Variants in PRKD3 observed in about 807,000 individuals in gnomAD.
PRKD3 encodes the protein serine/threonine-protein kinase D3.
Under a neutral mutation model 99.2 loss-of-function variants are expected in PRKD3, and 47 were observed. That is an observed-to-expected ratio of 0.47 (90% CI 0.38 to 0.60). PRKD3 has a LOEUF of 0.60. Ranked by LOEUF, PRKD3 falls within the 20% of genes least tolerant of loss-of-function variation. The pLI is 0.00. For missense variants in PRKD3, 1,019 were observed against 1,088.4 expected, an observed-to-expected ratio of 0.94 and a Z score of 0.90; for synonymous variants, 392 against 355.4, an observed-to-expected ratio of 1.10 and a Z score of -1.16.
intron 1 of PRKD3, among the ~76,000 whole-genome samples, chr2:37,320,753 G>C (rs780107437): frequency 1.3e-5 from 2 of 152,064 alleles, no homozygotes; most frequent in Admixed American, 1.3e-4. Context: ...CTTCTACTTT[G>C]ATGAATGTCT....
At chr2:37,319,294 A>T (rs917698133) in intron 1 of PRKD3, among the ~76,000 whole-genome samples, 1 of 152,192 alleles carries the variant, frequency 6.6e-6, no homozygotes, top group Non-Finnish European at 1.5e-5. Context: ...ATGTTAGTGT[A>T]GTTAAGTTTG....
intron 14 of PRKD3, among the ~76,000 whole-genome samples, 187 bp downstream of exon 14, chr2:37,267,243 A>G (rs1468228588): frequency 6.6e-6 from 1 of 152,086 alleles, no homozygotes; most frequent in East Asian, 1.9e-4. Context: ...ACTTTTTTAA[A>G]AAAGATTTTA....
intron 2 of PRKD3, among the ~76,000 whole-genome samples, chr2:37,311,215 A>C (rs926697679): frequency 6.6e-6 from 1 of 152,216 alleles, no homozygotes; most frequent in African/African-American, 2.4e-5. Context: ...GAAGTACTAC[A>C]GTTGGTGATG....
chr2:37,320,623 G>A (rs1671844557), intron 1 of PRKD3, among the ~76,000 whole-genome samples: 1 of 151,524 alleles, frequency 6.6e-6, no homozygotes, highest in Non-Finnish European at 1.5e-5. Context: ...GTAGAGACGG[G>A]GTTTCATCAT....
At chr2:37,283,206 G>A (rs1169488318) in intron 6 of PRKD3, among the ~76,000 whole-genome samples, 2 of 152,176 alleles carry the variant, frequency 1.3e-5, no homozygotes, top group African/African-American at 4.8e-5. Flanking sequence ...CTCTCAAACT[G>A]TGGTCCCAGA....
chr2:37,306,069 T>TC (rs1671153361), intron 2 of PRKD3, among the ~76,000 whole-genome samples: 2 of 119,024 alleles, frequency 1.7e-5, no homozygotes, highest in East Asian at 3.9e-4. Flanking sequence ...CTTGGATTCT[T>TC]TTTTTTTTTT....
intron 2 of PRKD3, among the ~76,000 whole-genome samples, chr2:37,310,587 T>C (rs560469302): frequency 5.9e-5 from 9 of 152,338 alleles, no homozygotes; most frequent in African/African-American, 1.9e-4. Flanking sequence ...GGCCATGATA[T>C]CTGGCATCAT....
chr2:37,296,623 C>T (rs988481375), intron 2 of PRKD3, among the ~76,000 whole-genome samples: 1 of 151,980 alleles, frequency 6.6e-6, no homozygotes, highest in Non-Finnish European at 1.5e-5. Context: ...TCAGGCCGGG[C>T]GCAGTGGCTC....
rs1168097455 is a variant in PRKD3, at chr2:37,251,533, T to C, written c.*1644A>G. 6.6e-6 allele frequency: 1 copy of C among 152,392 alleles called. No individual in the cohort carries two copies. Among genetic ancestry groups the C allele is most frequent in the Non-Finnish European group, 1.5e-5 (1 of 68,012 alleles). 9.4% of individuals were successfully genotyped at this position (152,392 alleles called of 1,614,324 possible). A position where few individuals can be genotyped will look rare whatever the true frequency, so the allele number is the denominator to read the frequency against. On this transcript the variant is annotated 3_prime_UTR_variant, in exon 19 of 19. Transcript: ENST00000234179. The stretch of plus-strand genomic sequence containing the variant: ...CTGCATACTGTTTGCTACTATTCTT[T>C]CAAGGATATTTTTAGTCTAGACAGG...
At chr2:37,279,039 CTG>C (rs1669712761) in intron 8 of PRKD3, 1 of 151,756 alleles carries the variant, frequency 6.6e-6, no homozygotes, top group Non-Finnish European at 1.5e-5. Flanking sequence ...ATAGTAATAA[CTG>C]TTATTTAATG....
At chr2:37,308,451 G>GT (rs1182033164) in intron 2 of PRKD3, among the ~76,000 whole-genome samples, 3 of 152,026 alleles carry the variant, frequency 2.0e-5, no homozygotes, top group Non-Finnish European at 4.4e-5. Flanking sequence ...TTGAGACAGA[G>GT]TTTTGCTCTT....
chr2:37,284,152 T>C (rs995945527), intron 6 of PRKD3, among the ~76,000 whole-genome samples: 1 of 152,326 alleles, frequency 6.6e-6, no homozygotes, highest in Non-Finnish European at 1.5e-5. Flanking sequence ...TCCAGTATAA[T>C]GGTTTTATCT....
At chr2:37,281,245 C>T (rs978608226) in intron 7 of PRKD3, among the ~76,000 whole-genome samples, 4 of 152,136 alleles carry the variant, frequency 2.6e-5, no homozygotes, top group African/African-American at 9.6e-5. Flanking sequence ...AATGGTGTTT[C>T]GTATCCATTT....
intron 7 of PRKD3, among the ~76,000 whole-genome samples, 197 bp from the exon 8 acceptor site, chr2:37,280,126 C>G (rs113653887): frequency 6.7e-6 from 1 of 149,792 alleles, no homozygotes; most frequent in African/African-American, 2.5e-5. Flanking sequence ...CTCACTGCAA[C>G]CTCTACCTCC....
chr2:37,316,197 T>C, intron 2 of PRKD3, 40 bp downstream of exon 2: 1 of 1,528,886 alleles, frequency 6.5e-7, no homozygotes, highest in East Asian at 2.3e-5. Context: ...AAAACATCAG[T>C]AACAATATTA....
chr2:37,315,746 T>G (rs1405462991), intron 2 of PRKD3, among the ~76,000 whole-genome samples: 1 of 152,228 alleles, frequency 6.6e-6, no homozygotes, highest in Non-Finnish European at 1.5e-5. Flanking sequence ...AGACTGAGTC[T>G]CACTCTGTTG....
chr2:37,286,071 G>A (rs1009890989), intron 6 of PRKD3, 106 bp downstream of exon 6: 2 of 970,828 alleles, frequency 2.1e-6, no homozygotes, highest in African/African-American at 1.7e-5. Context: ...TAACAATTAT[G>A]AGAATAATTT....
Position 37,274,528 on chromosome 2 carries a change from A to T in PRKD3, c.1544T>A (p.Val515Asp). ...CCAGCTCTGTGCTACATCAAGTCCA[A>T]CTCCAGTGGCAGCAAGAACAGGATT... ...SHNPVLAATG[V>D]GLDVAQSWEK... The change falls in exon 11 of 19, where the codon GTT becomes GAT. Residue 515 changes from valine (V) to aspartate (D), a missense_variant. Val to Asp is a radical substitution (Grantham distance 152, BLOSUM62 -3). Transcript: ENST00000234179. The T allele has an allele frequency of 6.2e-7, 1 of 1,614,058 alleles. No homozygotes were observed. Among genetic ancestry groups the T allele is most frequent in the Non-Finnish European group, 8.5e-7 (1 of 1,179,984 alleles).
chr2:37,290,604 C>A (rs994289826), intron 4 of PRKD3, among the ~76,000 whole-genome samples: 3 of 152,094 alleles, frequency 2.0e-5, no homozygotes, highest in African/African-American at 7.2e-5. Context: ...AATATTTAAC[C>A]CTATTACCTG....
Sources: gnomAD v4.1 joint callset for allele counts (sites outside exome capture counted in the v4.1 genomes callset) on GRCh38, gnomAD v4.1.1 for gene constraint, MANE v1.5 for transcripts, NCBI Gene and HGNC (gene_info 2026-07-23, HGNC 2026-07-21) for gene names.